FBF1: variants seen among roughly 807,000 people sequenced by gnomAD.
FBF1 encodes the protein Fas binding factor 1, also known as fas-binding factor 1.
A neutral mutation model predicts 147.2 loss-of-function variants in FBF1; 119 were observed. That is an observed-to-expected ratio of 0.81 (90% CI 0.70 to 0.94). FBF1 has a LOEUF of 0.94. Among genes scored for constraint, FBF1 ranks in the 40% least tolerant of loss-of-function variants. The probability of loss-of-function intolerance (pLI) is 0.00; values close to 1 mark genes in which losing one functional copy is unlikely to be tolerated. For missense variants in FBF1, 1,449 were observed against 1,500.8 expected, an observed-to-expected ratio of 0.97 and a Z score of 0.57; for synonymous variants, 601 against 609.0, an observed-to-expected ratio of 0.99 and a Z score of 0.19.
At chr17:75,920,825 A>T in intron 17 of FBF1, among the ~76,000 whole-genome samples, 1 of 90,920 alleles carries the variant, frequency 1.1e-5, no homozygotes, top group South Asian at 3.2e-4. Flanking sequence ...CCAGGGACAC[A>T]CTCCTGGGGG....
rs116336762 is a variant in FBF1 at position 75,919,987 on chromosome 17, T to G, written c.1931+20A>C. 1,790 of 1,609,420 alleles carry G rather than the reference T, an allele frequency of 1.1e-3. 19 individuals carry two copies. In the African/African-American group the frequency reaches 0.022, roughly 20 times the overall value. On this transcript the variant is annotated intron_variant, in intron 19 of 29. Transcript: ENST00000636174. The surrounding 1 kb of genome is among the most constrained non-coding windows in gnomAD (Gnocchi z 5.0). ...GTCAGTGTGAGATCCAAGGCAGAGCTGGGGCCAGCGCCAGGGTACCTGTGT... is the reference window on the plus strand; with the variant it reads ...GTCAGTGTGAGATCCAAGGCAGAGCGGGGGCCAGCGCCAGGGTACCTGTGT...
At position 75,925,581 on chromosome 17, in the gene FBF1, G is replaced by T. The variant is rs1598157792; in HGVS notation, c.869-135C>A. The stretch of plus-strand genomic sequence containing the variant: ...GCAGAGGGAAGCTGCTGTGAAGGGA[G>T]CACCTCAGGCACTGGCCAGGAAGAT... On this transcript the variant is annotated intron_variant, in intron 12 of 29. Transcript: ENST00000636174. The surrounding 1 kb of genome is among the most constrained non-coding windows in gnomAD (Gnocchi z 5.0). 1.4e-6 allele frequency: 1 copy of T among 729,316 alleles called. No individual in the cohort carries two copies. Among genetic ancestry groups the T allele is most frequent in the African/African-American group, 1.8e-5 (1 of 56,266 alleles). The allele number at this position is 729,316 out of a possible 1,614,324, so 45.2% of individuals were successfully genotyped here. A position where few individuals can be genotyped will look rare whatever the true frequency, so the allele number is the denominator to read the frequency against.
At chr17:75,937,632 CA>C in intron 2 of FBF1, 39 bp from the exon 3 acceptor site, 1 of 1,612,176 alleles carries the variant, frequency 6.2e-7, no homozygotes, top group South Asian at 1.1e-5. Flanking sequence ...GAAAACCAAA[CA>C]GTGAACACAG....
chr17:75,931,096 A>G, intron 6 of FBF1, 133 bp downstream of exon 6: 1 of 958,824 alleles, frequency 1.0e-6, no homozygotes, highest in Non-Finnish European at 1.6e-6. Context: ...CTCCATCTCA[A>G]AAAACAAACA....
At chr17:75,914,090 G>T in intron 26 of FBF1, 32 bp downstream of exon 26, 1 of 1,593,872 alleles carries the variant, frequency 6.3e-7, no homozygotes, top group Non-Finnish European at 8.5e-7. Context: ...CCTGGGCTCA[G>T]ATGCGCCCAC....
At position 75,913,945 on chromosome 17, in the gene FBF1, G is replaced by T. The variant is rs1427154035; in HGVS notation, c.3097C>A (p.Arg1033=). The T allele has an allele frequency of 1.3e-6, 2 of 1,550,140 alleles. No individual in the cohort carries two copies. The highest frequency in any genetic ancestry group is 1.9e-5 in the Admixed American group (1 of 52,506). The part of the protein sequence containing the change: ...RLQAVQQQQE[R]LRKQEQHMHQ... ...ATGTGCTGCTCCTGCTTCCGCAGCC[G>T]CTCCTGCTGTTGCTGCACCGCCTGC... The change falls in exon 27 of 30, where the codon CGG becomes AGG. Residue 1033 remains arginine (R), a synonymous_variant. Coordinates refer to ENST00000636174, the MANE Select transcript of FBF1 (RefSeq NM_001319193.2).
chr17:75,930,216 C>T, intron 6 of FBF1, 169 bp from the exon 7 acceptor site: 2 of 604,338 alleles, frequency 3.3e-6, no homozygotes, highest in East Asian at 2.8e-5. Context: ...CTTGCTTGGG[C>T]TTGGCAGTTG....
At chr17:75,936,669 C>T (rs1040794864) in intron 3 of FBF1, among the ~76,000 whole-genome samples, 7 of 151,444 alleles carry the variant, frequency 4.6e-5, no homozygotes, top group African/African-American at 1.5e-4. Context: ...AGCAAGACTC[C>T]GTCTTAAAAA....
At chr17:75,932,742 C>T (rs1189102940) in intron 5 of FBF1, among the ~76,000 whole-genome samples, 1 of 152,010 alleles carries the variant, frequency 6.6e-6, no homozygotes, top group Non-Finnish European at 1.5e-5. Context: ...AAAAATTAGC[C>T]AGGTGTGGTG....
intron 23 of FBF1, among the ~76,000 whole-genome samples, chr17:75,916,183 T>G (rs1224926295): frequency 2.0e-5 from 3 of 149,378 alleles, no homozygotes; most frequent in Non-Finnish European, 4.4e-5. Flanking sequence ...TAGCTGGGTA[T>G]AGTGGCATGC....
chr17:75,927,316 C>T lies in FBF1; in HGVS notation c.475+139G>A, dbSNP rs187562959. 1.9e-4 allele frequency: 129 copies of T among 689,364 alleles called. No homozygotes were observed. The African/African-American group carries it at 1.9e-3, about 10-fold the overall frequency. The allele number at this position is 689,364 out of a possible 1,614,324, so 42.7% of individuals were successfully genotyped here. On this transcript the variant is annotated intron_variant, in intron 9 of 29. Coordinates refer to ENST00000636174, the MANE Select transcript of FBF1 (RefSeq NM_001319193.2). ...TCAGCCAATACAATATAGCTGGTCCCGACATGAATTCACGAGGAAGTAAAC... is the reference window on the plus strand; with the variant it reads ...TCAGCCAATACAATATAGCTGGTCCTGACATGAATTCACGAGGAAGTAAAC...
At position 75,931,278 on chromosome 17, in the gene FBF1, C is replaced by T. The variant is rs372412708; in HGVS notation, c.179G>A (p.Gly60Asp). 24 of 1,583,790 alleles carry T rather than the reference C, an allele frequency of 1.5e-5. No homozygotes were observed. In the African/African-American group the frequency reaches 3.0e-4, roughly 20 times the overall value. Residue 60 changes from glycine (G) to aspartate (D), a missense_variant, in exon 6 of 30, where the codon GGT (glycine) becomes GAT (aspartate). Coordinates refer to ENST00000636174, the MANE Select transcript of FBF1 (RefSeq NM_001319193.2). Reference sequence around the variant, plus strand: ...TGCCATGGTGCTGAAGACATCATCACCCAGGAGGGACCTGCAAAGGGGAGG... The same window carrying T: ...TGCCATGGTGCTGAAGACATCATCATCCAGGAGGGACCTGCAAAGGGGAGG... ...SSKARTKSLLGDDVFSTMAGL... is the reference protein window; with the variant it reads ...SSKARTKSLLDDDVFSTMAGL...
chr17:75,915,455 T>A (rs1752614499), intron 23 of FBF1, among the ~76,000 whole-genome samples: 1 of 152,144 alleles, frequency 6.6e-6, no homozygotes, highest in South Asian at 2.1e-4. Flanking sequence ...ACTCTGCCTG[T>A]CCTCACCCAT....
rs1167253930 is a variant in FBF1, at chr17:75,922,097, C to G, written c.1425-51G>C. 1 of 1,496,468 alleles carries G rather than the reference C, an allele frequency of 6.7e-7. No individual in the cohort carries two copies. 92.7% of individuals were successfully genotyped at this position (1,496,468 alleles called of 1,614,324 possible). A position where few individuals can be genotyped will look rare whatever the true frequency, so the allele number is the denominator to read the frequency against. ...AAGGTGACAGAAGGCCCAGGTCAGGCTGGATGAAGACAGGGCCCAGGACGG... is the reference window on the plus strand; with the variant it reads ...AAGGTGACAGAAGGCCCAGGTCAGGGTGGATGAAGACAGGGCCCAGGACGG... On this transcript the variant is annotated intron_variant, in intron 14 of 29. Coordinates refer to ENST00000636174, the MANE Select transcript of FBF1 (RefSeq NM_001319193.2). The surrounding 1 kb of genome is among the most constrained non-coding windows in gnomAD (Gnocchi z 5.0).
chr17:75,911,509 G>A (rs544661472), intron 29 of FBF1, among the ~76,000 whole-genome samples: 4 of 152,068 alleles, frequency 2.6e-5, no homozygotes, highest in African/African-American at 9.6e-5. Context: ...ACCATGCCCA[G>A]CTAATTTTTA....
At position 75,925,617 on chromosome 17, in the gene FBF1, T is replaced by C. The variant is rs1310982249; in HGVS notation, c.869-171A>G. Among the ~76,000 whole-genome samples the C allele has an allele frequency of 6.6e-6, 1 of 152,192 alleles. No homozygotes were observed. Among genetic ancestry groups the C allele is most frequent in the Non-Finnish European group, 1.5e-5 (1 of 68,032 alleles). On this transcript the variant is annotated intron_variant, in intron 12 of 29. Coordinates refer to ENST00000636174, the MANE Select transcript of FBF1 (RefSeq NM_001319193.2). The surrounding 1 kb of genome is among the most constrained non-coding windows in gnomAD (Gnocchi z 5.0). ...ACTGGCCAGGAAGATGCAGTGGCCT[T>C]GCAGTAGCCAGACCCTGCCCCAGGA...
At chr17:75,940,247 CTTTTT>C (rs1293230064) in intron 1 of FBF1, among the ~76,000 whole-genome samples, 2 of 138,876 alleles carry the variant, frequency 1.4e-5, no homozygotes, top group Non-Finnish European at 3.2e-5. Flanking sequence ...GGCCTTCTTT[CTTTTT>C]TTTTTTTCCA....
Position 75,925,284 on chromosome 17 carries a change from G to A in FBF1, c.968+63C>T. ...CGGGTGGGACAGGGGACAGCTGCAG[G>A]GGCCTGTCTTCCCAGTGGCCGACCT... On this transcript the variant is annotated intron_variant, in intron 13 of 29. Coordinates refer to ENST00000636174, the MANE Select transcript of FBF1 (RefSeq NM_001319193.2). The surrounding 1 kb of genome is among the most constrained non-coding windows in gnomAD (Gnocchi z 5.0). 1 of 1,301,190 alleles carries A rather than the reference G, an allele frequency of 7.7e-7. No homozygotes were observed. The highest frequency in any genetic ancestry group is 1.1e-6 in the Non-Finnish European group (1 of 922,748). 80.6% of individuals were successfully genotyped at this position (1,301,190 alleles called of 1,614,324 possible). A position where few individuals can be genotyped will look rare whatever the true frequency, so the allele number is the denominator to read the frequency against.
chr17:75,913,703 A>G lies in FBF1; in HGVS notation c.3246T>C (p.Ser1082=), dbSNP rs960787936. 3 of 1,591,322 alleles carry G rather than the reference A, an allele frequency of 1.9e-6. No homozygotes were observed. Among genetic ancestry groups the G allele is most frequent in the Non-Finnish European group, 1.7e-6 (2 of 1,176,338 alleles). Residue 1082 remains serine, a splice_region_variant and synonymous_variant, in exon 28 of 30, where the codon AGT becomes AGC. Coordinates refer to ENST00000636174, the MANE Select transcript of FBF1 (RefSeq NM_001319193.2). ...RAQGPAASSQ[S]ALMPPAPTTR... is the part of the protein sequence containing the mutation. ...GCCCTTCCTTCTGGAGCCACTCACC[A>G]CTCTGGCTGGAGGCTGCAGGGCCCT... is the stretch of plus-strand genomic sequence containing the variant.
Sources: allele counts gnomAD v4.1 joint callset (sites outside exome capture counted in the v4.1 genomes callset), GRCh38; gene constraint gnomAD v4.1.1; non-coding constraint Gnocchi (gnomAD v3.1); transcripts MANE v1.5; gene names NCBI Gene and HGNC (gene_info 2026-07-23, HGNC 2026-07-21).